Variants in TRAF2 observed in about 807,000 individuals in gnomAD.
The protein encoded by TRAF2 is TNF receptor-associated factor 2.
A neutral mutation model predicts 55.6 loss-of-function variants in TRAF2; 6 were observed. That is an observed-to-expected ratio of 0.11 (90% CI 0.06 to 0.21). The LOEUF is 0.21. Ranked by LOEUF, TRAF2 falls within the 10% of genes least tolerant of loss-of-function variation. TRAF2 has a pLI of 1.00. For synonymous variants in TRAF2, 329 were observed against 276.3 expected (o/e 1.19, Z -1.89); for missense variants, 561 against 684.5 (o/e 0.82, Z 2.01).
At chr9:136,920,600 T>G (rs1460653249) in intron 8 of TRAF2, 85 bp downstream of exon 8, 5 of 1,464,054 alleles carry the variant, frequency 3.4e-6, no homozygotes, top group Non-Finnish European at 3.6e-6. Context: ...TAGCAGGTCC[T>G]GGAGCTTTAG....
intron 6 of TRAF2, among the ~76,000 whole-genome samples, chr9:136,914,703 T>A (rs976752771): frequency 6.6e-6 from 1 of 152,132 alleles, no homozygotes; most frequent in Non-Finnish European, 1.5e-5. Flanking sequence ...TAGCACTGAG[T>A]CTGATCCATG....
intron 6 of TRAF2, among the ~76,000 whole-genome samples, chr9:136,914,324 C>CCCAG (rs1474303719): frequency 1.3e-5 from 2 of 152,202 alleles, no homozygotes; most frequent in Non-Finnish European, 2.9e-5. Context: ...ACCCCCCATT[C>CCCAG]CCAGCATGCT....
At chr9:136,884,120 A>AT (rs1423035911), upstream of TRAF2, among the ~76,000 whole-genome samples, 2 of 150,346 alleles carry the variant, frequency 1.3e-5, no homozygotes, top group East Asian at 4.0e-4. Flanking sequence ...GGCCTTTTGT[A>AT]TTTTTTTAGT....
intron 7 of TRAF2, among the ~76,000 whole-genome samples, chr9:136,916,982 A>G (rs1203316335): frequency 6.6e-6 from 1 of 152,016 alleles, no homozygotes; most frequent in East Asian, 1.9e-4. Context: ...TCACACAGAA[A>G]AGGGCAGCAC....
chr9:136,904,703 T>C (rs1849905471), intron 4 of TRAF2, among the ~76,000 whole-genome samples: 3 of 152,238 alleles, frequency 2.0e-5, no homozygotes, highest in Non-Finnish European at 4.4e-5. Context: ...CCACCGCGCC[T>C]GGCCTAAAGA....
chr9:136,891,255 T>G (rs1319949494), intron 1 of TRAF2, among the ~76,000 whole-genome samples: 1 of 152,148 alleles, frequency 6.6e-6, no homozygotes, highest in Non-Finnish European at 1.5e-5. Context: ...CTTACAGGCT[T>G]GCACCACCAT....
rs1193753486 is a variant in TRAF2, at chr9:136,908,171, C to T, written c.468C>T (p.Cys156=). The T allele has an allele frequency of 5.0e-6, 8 of 1,602,258 alleles. No homozygotes were observed. Among genetic ancestry groups the T allele is most frequent in the African/African-American group, 1.3e-5 (1 of 74,948 alleles). The change falls in exon 5 of 11, where the codon TGC becomes TGT. Residue 156 remains cysteine (C), a synonymous_variant. Transcript: ENST00000247668. ...AGGAGCGCCACCTGGAGCACGAGTG[C>T]CCGGAGAGAAGCCTGAGCTGCCGGC... ...GEKERHLEHE[C]PERSLSCRHC...
At chr9:136,910,723 G>T (rs1002759994) in intron 6 of TRAF2, among the ~76,000 whole-genome samples, 6 of 152,262 alleles carry the variant, frequency 3.9e-5, no homozygotes, top group African/African-American at 1.4e-4. Context: ...GCCTGCCCGC[G>T]GGCTCAGCCT....
chr9:136,906,188 C>T (rs1219530892), intron 4 of TRAF2, among the ~76,000 whole-genome samples: 1 of 152,144 alleles, frequency 6.6e-6, no homozygotes, highest in Non-Finnish European at 1.5e-5. Flanking sequence ...TTCCTATAGT[C>T]CCAGCTATGT....
intron 2 of TRAF2, 138 bp downstream of exon 2, chr9:136,899,066 G>A (rs1849754020): frequency 1.8e-5 from 15 of 844,592 alleles, no homozygotes; most frequent in South Asian, 1.1e-4. Flanking sequence ...CCTGGATTTC[G>A]GAGGTTTACC....
chr9:136,922,848 C>T (rs1384301588), intron 9 of TRAF2, among the ~76,000 whole-genome samples: 6 of 95,164 alleles, frequency 6.3e-5, no homozygotes, highest in African/African-American at 1.7e-4. Context: ...TGGTGGAGGA[C>T]GAGGATGGGG....
At chr9:136,920,576 GC>G in intron 8 of TRAF2, 61 bp downstream of exon 8, 1 of 1,521,616 alleles carries the variant, frequency 6.6e-7, no homozygotes. Flanking sequence ...TAGTGTTCGT[GC>G]CCCAGCAGGT....
rs528115689 is a variant in TRAF2 at position 136,914,532 on chromosome 9, G to C, written c.604-2009G>C. Among the ~76,000 whole-genome samples the C allele has an allele frequency of 3.3e-5, 5 of 152,316 alleles. No homozygotes were observed. The South Asian group carries it at 8.3e-4, about 25-fold the overall frequency. ...CAGTGTTTCATCCGAAAATACTTCA[G>C]TGACAGCAGAGGGATCCTTGCTTTA... On this transcript the variant is annotated intron_variant, in intron 6 of 10. Transcript: ENST00000247668.
intron 1 of TRAF2, among the ~76,000 whole-genome samples, chr9:136,894,947 C>A (rs1849650545): frequency 6.6e-6 from 1 of 152,204 alleles, no homozygotes; most frequent in African/African-American, 2.4e-5. Context: ...TGTGAATAGA[C>A]AGCGTACTCC....
chr9:136,924,454 C>T (rs372596884), intron 10 of TRAF2, among the ~76,000 whole-genome samples: 96 of 151,856 alleles, frequency 6.3e-4, no homozygotes, highest in Admixed American at 1.3e-3. Context: ...CCCAGCTATT[C>T]GGGAGGCTAA....
chr9:136,898,986 C>T, intron 2 of TRAF2, 58 bp downstream of exon 2: 1 of 1,513,926 alleles, frequency 6.6e-7, no homozygotes, highest in Non-Finnish European at 8.9e-7. Context: ...GTTTTAGAGC[C>T]ACGCTGCCCA....
intron 4 of TRAF2, among the ~76,000 whole-genome samples, chr9:136,902,714 G>A (rs1416556552): frequency 6.6e-6 from 1 of 152,166 alleles, no homozygotes; most frequent in Non-Finnish European, 1.5e-5. Flanking sequence ...GGCTGTAAAT[G>A]TCACACATGG....
upstream of TRAF2, among the ~76,000 whole-genome samples, chr9:136,885,862 C>T (rs904714044): frequency 1.3e-5 from 2 of 152,252 alleles, no homozygotes; most frequent in Admixed American, 6.5e-5. Flanking sequence ...AGCATTACCT[C>T]ACCCCAAAAG....
chr9:136,882,710 A>G, upstream of TRAF2: 1 of 985,484 alleles, frequency 1.0e-6, no homozygotes, highest in Non-Finnish European at 1.2e-6. Flanking sequence ...CCATGGCCAG[A>G]GTGAGTCACC....
Sources: gnomAD v4.1 joint callset for allele counts (sites outside exome capture counted in the v4.1 genomes callset) on GRCh38, gnomAD v4.1.1 for gene constraint, MANE v1.5 for transcripts, NCBI Gene and HGNC (gene_info 2026-07-23, HGNC 2026-07-21) for gene names.